The following CACNA1C variants were observed in gnomAD, a reference collection of about 807,000 sequenced individuals.
CACNA1C encodes calcium voltage-gated channel subunit alpha1 C, also known as voltage-dependent L-type calcium channel subunit alpha-1C.
Under a neutral mutation model 229.0 loss-of-function variants are expected in CACNA1C, and 30 were observed. The ratio of observed to expected loss-of-function variants is 0.13; its 90% CI spans 0.10 to 0.18. The LOEUF (loss-of-function observed/expected upper bound fraction) is 0.18, where lower values mean the gene tolerates loss of function less well. Ranked by LOEUF, CACNA1C falls within the 10% of genes least tolerant of loss-of-function variation. The pLI, the probability that CACNA1C is intolerant of heterozygous loss-of-function variation, is 1.00. For synonymous variants in CACNA1C, 1,114 were observed against 1,132.5 expected (o/e 0.98, Z 0.33); for missense variants, 1,658 against 2,845.0 (o/e 0.58, Z 9.49).
chr12:2,513,179 G>A (rs914837859), intron 9 of CACNA1C, among the ~76,000 whole-genome samples, 195 bp downstream of exon 9: 1 of 152,200 alleles, frequency 6.6e-6, no homozygotes. Flanking sequence ...CATAGCTGTC[G>A]ATCTAGAAAA....
Position 2,602,155 on chromosome 12 carries a change from T to C in CACNA1C, c.2960+195T>C, listed in dbSNP as rs76195134. Reference sequence around the variant, plus strand: ...CAGTGGTCTGATACTTGGGGCACGTTGATCAGGTGAGAATATGTTTAATTA... The same window carrying C: ...CAGTGGTCTGATACTTGGGGCACGTCGATCAGGTGAGAATATGTTTAATTA... On this transcript the variant is annotated intron_variant, in intron 22 of 46. Transcript: ENST00000399655. The surrounding 1 kb of genome is among the most constrained non-coding windows in gnomAD (Gnocchi z 4.4). Among the ~76,000 whole-genome samples the C allele has an allele frequency of 1.2e-3, 190 of 152,324 alleles. 2 individuals are homozygous for C. The East Asian group carries it at 0.034, about 27-fold the overall frequency.
In CACNA1C at chr12:2,504,292, G is replaced by C; in HGVS notation, c.1114-550G>C. 1 of 610,972 alleles carries C rather than the reference G, an allele frequency of 1.6e-6. No individual in the cohort carries two copies. The highest frequency in any genetic ancestry group is 3.0e-6 in the Non-Finnish European group (1 of 336,146). 37.8% of individuals were successfully genotyped at this position (610,972 alleles called of 1,614,324 possible). Reference sequence around the variant, plus strand: ...TCCTTTGAACATGGGCGATGCCCTGGGTAACACGGGTAACCTGGTGCACAT... The same window carrying C: ...TCCTTTGAACATGGGCGATGCCCTGCGTAACACGGGTAACCTGGTGCACAT... On this transcript the variant is annotated intron_variant, in intron 7 of 46. Transcript: ENST00000399655. The surrounding 1 kb of genome is among the most constrained non-coding windows in gnomAD (Gnocchi z 6.8).
intron 9 of CACNA1C, among the ~76,000 whole-genome samples, chr12:2,518,148 A>G (rs560851746): frequency 6.6e-6 from 1 of 152,312 alleles, no homozygotes; most frequent in South Asian, 2.1e-4. Context: ...TGCCTGCCCA[A>G]CAGAGTCTAG....
intron 1 of CACNA1C, among the ~76,000 whole-genome samples, chr12:2,069,195 T>C (rs2060374586): frequency 6.6e-6 from 1 of 152,184 alleles, no homozygotes; most frequent in African/African-American, 2.4e-5. Flanking sequence ...ATCCCATGCG[T>C]CCTTGGCCCT....
Position 2,493,085 on chromosome 12 carries a change from C to A in CACNA1C, c.917-105C>A. ...CTGTTGTTGCCATGGTTGCTTTGCC[C>A]ATCCCATCAACCTCATCCTGTCACT... is the stretch of plus-strand genomic sequence containing the variant. On this transcript the variant is annotated intron_variant, in intron 6 of 46. Coordinates refer to ENST00000399655, the MANE Select transcript of CACNA1C (RefSeq NM_000719.7). This position sits in a 1 kb window ranked among gnomAD's most constrained non-coding sequence, Gnocchi z 4.6. The A allele has an allele frequency of 2.2e-6, 2 of 904,432 alleles. No individual in the cohort carries two copies. The highest frequency in any genetic ancestry group is 3.5e-6 in the Non-Finnish European group (2 of 572,654). The allele number at this position is 904,432 out of a possible 1,614,324, so 56.0% of individuals were successfully genotyped here. A position where few individuals can be genotyped will look rare whatever the true frequency, so the allele number is the denominator to read the frequency against.
At chr12:2,159,171 G>T (rs984012442) in intron 3 of CACNA1C, among the ~76,000 whole-genome samples, 1 of 152,100 alleles carries the variant, frequency 6.6e-6, no homozygotes, top group Admixed American at 6.6e-5. Context: ...TTTCTTCAAT[G>T]AACCTTTTAG....
At chr12:2,209,108 C>T (rs1321200072) in intron 3 of CACNA1C, among the ~76,000 whole-genome samples, 1 of 152,202 alleles carries the variant, frequency 6.6e-6, no homozygotes, top group Non-Finnish European at 1.5e-5. Context: ...AATCTTGTAG[C>T]TATCACCCCC....
At chr12:1,983,995 T>C (rs1407068942) in intron 1 of CACNA1C, among the ~76,000 whole-genome samples, 3 of 152,092 alleles carry the variant, frequency 2.0e-5, no homozygotes, top group East Asian at 3.8e-4. Context: ...TTTTTATCCC[T>C]GGTAATTTTC....
At chr12:2,446,175 G>A (rs1723295367) in intron 3 of CACNA1C, among the ~76,000 whole-genome samples, 1 of 150,180 alleles carries the variant, frequency 6.7e-6, no homozygotes, top group Non-Finnish European at 1.5e-5. Flanking sequence ...ATGGATGGAT[G>A]GATGGATATA....
At chr12:2,572,493 C>G (rs1243825316) in intron 13 of CACNA1C, among the ~76,000 whole-genome samples, 1 of 99,766 alleles carries the variant, frequency 1.0e-5, no homozygotes, top group African/African-American at 4.0e-5. Context: ...TCCTCCTCCT[C>G]CTCCTCTCCT....
At chr12:2,058,838 A>G (rs2056320919) in intron 1 of CACNA1C, among the ~76,000 whole-genome samples, 1 of 152,230 alleles carries the variant, frequency 6.6e-6, no homozygotes, top group Admixed American at 6.5e-5. Context: ...AATGAATGCC[A>G]TCATTTGAAC....
chr12:2,304,756 G>T (rs1181105194), intron 3 of CACNA1C, among the ~76,000 whole-genome samples: 1 of 152,180 alleles, frequency 6.6e-6, no homozygotes, highest in Non-Finnish European at 1.5e-5. Context: ...ACAGCCAGTT[G>T]TTTCTAAATT....
At chr12:2,069,196 C>A (rs1353983286) in intron 1 of CACNA1C, among the ~76,000 whole-genome samples, 3 of 152,206 alleles carry the variant, frequency 2.0e-5, no homozygotes, top group African/African-American at 7.2e-5. Context: ...TCCCATGCGT[C>A]CTTGGCCCTC....
chr12:2,260,095 C>T (rs1402048165), intron 3 of CACNA1C, among the ~76,000 whole-genome samples: 1 of 152,188 alleles, frequency 6.6e-6, no homozygotes, highest in South Asian at 2.1e-4. Flanking sequence ...AGAAGGAAGA[C>T]CGACATCCTG....
intron 9 of CACNA1C, among the ~76,000 whole-genome samples, chr12:2,528,457 C>G (rs567846611): frequency 6.6e-6 from 1 of 152,308 alleles, no homozygotes; most frequent in South Asian, 2.1e-4. Flanking sequence ...GCAGGATTGC[C>G]TGCACCCTGA....
intron 3 of CACNA1C, among the ~76,000 whole-genome samples, chr12:2,244,087 TAA>T (rs1287760251): frequency 6.6e-6 from 1 of 152,210 alleles, no homozygotes; most frequent in African/African-American, 2.4e-5. Flanking sequence ...AGAGCTCCCT[TAA>T]GCATCCTGCC....
rs573028776 is a variant in CACNA1C, at chr12:2,601,474, G to A, written c.2854-380G>A. Among the ~76,000 whole-genome samples the A allele has an allele frequency of 2.0e-5, 3 of 152,220 alleles. No homozygotes were observed. In the South Asian group the frequency reaches 6.2e-4, roughly 32 times the overall value. On this transcript the variant is annotated intron_variant, in intron 21 of 46. Coordinates refer to ENST00000399655, the MANE Select transcript of CACNA1C (RefSeq NM_000719.7). The surrounding 1 kb of genome is among the most constrained non-coding windows in gnomAD (Gnocchi z 5.9). Reference sequence around the variant, plus strand: ...GCATTTGGAGAGGCAGTCGGGATGTGTGCTCCCAACCCGACAGCATCAGGA... The same window carrying A: ...GCATTTGGAGAGGCAGTCGGGATGTATGCTCCCAACCCGACAGCATCAGGA...
At chr12:2,213,144 G>A (rs964481924) in intron 3 of CACNA1C, among the ~76,000 whole-genome samples, 5 of 152,092 alleles carry the variant, frequency 3.3e-5, no homozygotes, top group Admixed American at 6.5e-5. Flanking sequence ...AGGAGCCAGC[G>A]CCTGCCATTT....
At chr12:2,114,320 G>A (rs1457615668) in intron 1 of CACNA1C, among the ~76,000 whole-genome samples, 2 of 152,152 alleles carry the variant, frequency 1.3e-5, no homozygotes, top group East Asian at 1.9e-4. Context: ...GCTGCCTTGT[G>A]TGGGGGCTGG....
Sources: allele counts gnomAD v4.1 joint callset (sites outside exome capture counted in the v4.1 genomes callset), GRCh38; gene constraint gnomAD v4.1.1; non-coding constraint Gnocchi (gnomAD v3.1); transcripts MANE v1.5; gene names NCBI Gene and HGNC (gene_info 2026-07-23, HGNC 2026-07-21).